TENM4: variants seen among roughly 807,000 people sequenced by gnomAD.
TENM4 encodes teneurin transmembrane protein 4.
TENM4 carries 82 observed loss-of-function variants against 243.3 expected under a neutral mutation model. The ratio of observed to expected loss-of-function variants is 0.34; its 90% CI spans 0.28 to 0.40. The LOEUF (loss-of-function observed/expected upper bound fraction) is 0.40, where lower values mean the gene tolerates loss of function less well. TENM4 is among the 10% of genes least tolerant of loss of function. TENM4 has a pLI of 1.00. For missense variants in TENM4, 3,138 were observed against 3,673.3 expected (o/e 0.85, Z 3.77); for synonymous variants, 1,412 against 1,456.3 (o/e 0.97, Z 0.69).
At chr11:78,927,804 G>T (rs1335860239) in intron 6 of TENM4, among the ~76,000 whole-genome samples, 2 of 152,010 alleles carry the variant, frequency 1.3e-5, no homozygotes, top group Non-Finnish European at 2.9e-5. Flanking sequence ...ACTCAACCAG[G>T]CTCCACTTTC....
At chr11:79,214,135 G>C (rs1422530296) in intron 3 of TENM4, among the ~76,000 whole-genome samples, 2 of 152,070 alleles carry the variant, frequency 1.3e-5, no homozygotes, top group Non-Finnish European at 2.9e-5. Flanking sequence ...GGGACTACAG[G>C]TACCTGCCAC....
chr11:79,037,722 C>T (rs899816408), intron 6 of TENM4, among the ~76,000 whole-genome samples: 1 of 152,130 alleles, frequency 6.6e-6, no homozygotes, highest in Non-Finnish European at 1.5e-5. Flanking sequence ...GAAACCTGCC[C>T]AAGAAAGCCA....
At position 79,321,613 on chromosome 11, in the gene TENM4, T is replaced by C. The variant is rs142972847; in HGVS notation, c.-320-24070A>G. On this transcript the variant is annotated intron_variant, in intron 1 of 33. Coordinates refer to ENST00000278550, the MANE Select transcript of TENM4 (RefSeq NM_001098816.3). ...ACAACTCGTCACTGGGTGCCTGTGA[T>C]GACTTTCTGCACAAGCAGGAAATTA... Among the ~76,000 whole-genome samples, 29 of 127,706 alleles carry C rather than the reference T, an allele frequency of 2.3e-4. No individual in the cohort carries two copies. The East Asian group carries it at 5.9e-3, about 26-fold the overall frequency. The allele number at this position is 127,706 out of a possible 152,430, so 83.8% of individuals were successfully genotyped here. A position where few individuals can be genotyped will look rare whatever the true frequency, so the allele number is the denominator to read the frequency against.
At chr11:78,687,358 G>A (rs1387353147) in intron 29 of TENM4, among the ~76,000 whole-genome samples, 1 of 152,208 alleles carries the variant, frequency 6.6e-6, no homozygotes, top group African/African-American at 2.4e-5. Context: ...ACTGCTTCGT[G>A]TGAAAGCCTT....
At chr11:79,423,762 C>T (rs761546611) in intron 1 of TENM4, among the ~76,000 whole-genome samples, 3 of 151,988 alleles carry the variant, frequency 2.0e-5, no homozygotes, top group Non-Finnish European at 2.9e-5. Context: ...TTGATTTTTA[C>T]AGGAGAGAAG....
intron 3 of TENM4, among the ~76,000 whole-genome samples, chr11:79,181,913 G>A (rs1213312109): frequency 2.7e-5 from 4 of 148,840 alleles, no homozygotes; most frequent in African/African-American, 9.9e-5. Flanking sequence ...ATATCTATAT[G>A]AGGAAAACCA....
At chr11:79,246,998 AC>A (rs1212964151) in intron 2 of TENM4, among the ~76,000 whole-genome samples, 1 of 111,468 alleles carries the variant, frequency 9.0e-6, no homozygotes, top group Non-Finnish European at 1.9e-5. Flanking sequence ...AAAAAAAAAA[AC>A]ACCCCCCCAC....
chr11:78,955,204 T>C (rs1857183199), intron 6 of TENM4, among the ~76,000 whole-genome samples: 1 of 152,240 alleles, frequency 6.6e-6, no homozygotes, highest in Admixed American at 6.5e-5. Context: ...GTTTCTCACA[T>C]GGACACAGTG....
intron 15 of TENM4, among the ~76,000 whole-genome samples, chr11:78,799,784 A>G (rs939710667): frequency 2.0e-5 from 3 of 152,262 alleles, no homozygotes; most frequent in Non-Finnish European, 4.4e-5. Context: ...AACCCGCAGC[A>G]TGAGCATTTT....
intron 4 of TENM4, among the ~76,000 whole-genome samples, chr11:79,082,816 G>A (rs1270294476): frequency 6.6e-6 from 1 of 152,138 alleles, no homozygotes; most frequent in Non-Finnish European, 1.5e-5. Flanking sequence ...GCCTCAAAGG[G>A]GTGGAGGAAA....
chr11:78,996,312 C>G (rs1436266460), intron 6 of TENM4, among the ~76,000 whole-genome samples: 1 of 152,124 alleles, frequency 6.6e-6, no homozygotes. Context: ...GAAAAGAAGT[C>G]TAAGCTAGTT....
chr11:78,993,585 G>T (rs1858096811), intron 6 of TENM4, among the ~76,000 whole-genome samples: 1 of 151,886 alleles, frequency 6.6e-6, no homozygotes, highest in African/African-American at 2.4e-5. Flanking sequence ...CTTCAGTTTG[G>T]ATAGTTTTTA....
In TENM4 at chr11:79,243,686, G is replaced by A. The variant is rs190324188; in HGVS notation, c.-264-27777C>T. ...ACAGGCAGGAAGAACAGTGCCGAGA[G>A]CCTCCCGTGGAGCCGGGACTGTGGG... On this transcript the variant is annotated intron_variant, in intron 2 of 33. Transcript: ENST00000278550. Among the ~76,000 whole-genome samples the A allele has an allele frequency of 7.9e-5, 12 of 152,350 alleles. No individual in the cohort carries two copies. The East Asian group carries it at 1.7e-3, about 22-fold the overall frequency.
At chr11:79,003,266 G>A (rs898095497) in intron 6 of TENM4, among the ~76,000 whole-genome samples, 1 of 152,034 alleles carries the variant, frequency 6.6e-6, no homozygotes, top group African/African-American at 2.4e-5. Context: ...AACCTTGCTA[G>A]AGAGGCCAAC....
At chr11:78,933,737 G>T (rs1856721775) in intron 6 of TENM4, among the ~76,000 whole-genome samples, 1 of 152,152 alleles carries the variant, frequency 6.6e-6, no homozygotes, top group Admixed American at 6.5e-5. Flanking sequence ...TAAGCTGGGG[G>T]TCTCACTCGG....
At chr11:78,943,775 A>C (rs1267909641) in intron 6 of TENM4, among the ~76,000 whole-genome samples, 1 of 152,242 alleles carries the variant, frequency 6.6e-6, no homozygotes, top group East Asian at 1.9e-4. Flanking sequence ...AATTAAAAGT[A>C]GTATGTGGTA....
At chr11:79,415,089 T>C (rs576768324) in intron 1 of TENM4, among the ~76,000 whole-genome samples, 1 of 152,338 alleles carries the variant, frequency 6.6e-6, no homozygotes, top group African/African-American at 2.4e-5. Context: ...AGCCTCTGTT[T>C]CCATGTCTGT....
intron 15 of TENM4, among the ~76,000 whole-genome samples, chr11:78,804,412 T>C (rs1857346911): frequency 6.6e-6 from 1 of 152,188 alleles, no homozygotes; most frequent in Admixed American, 6.5e-5. Flanking sequence ...AAGTATTATG[T>C]AAATTGGTAA....
chr11:79,376,234 T>A (rs1352229113), intron 1 of TENM4, among the ~76,000 whole-genome samples: 1 of 152,194 alleles, frequency 6.6e-6, no homozygotes, highest in Non-Finnish European at 1.5e-5. Flanking sequence ...GGGTTTCACC[T>A]ATGTGGATGG....
Sources: gnomAD v4.1 joint callset for allele counts (sites outside exome capture counted in the v4.1 genomes callset) on GRCh38, gnomAD v4.1.1 for gene constraint, MANE v1.5 for transcripts, NCBI Gene and HGNC (gene_info 2026-07-23, HGNC 2026-07-21) for gene names.